Variants in CSMD1 observed in about 807,000 individuals in gnomAD.
CSMD1 encodes the protein CUB and sushi domain-containing protein 1.
Under a neutral mutation model 417.5 loss-of-function variants are expected in CSMD1, and 213 were observed. That is an observed-to-expected ratio of 0.51 (90% confidence interval 0.46 to 0.57). CSMD1 has a LOEUF of 0.57. CSMD1 is among the 20% of genes least tolerant of loss of function. The pLI is 0.00. For missense variants in CSMD1, 6,923 were observed against 4,529.7 expected (o/e 1.53, Z -15.17); for synonymous variants, 2,862 against 1,736.8 (o/e 1.65, Z -16.11).
chr8:4,421,893 A>ATT (rs1797268956), intron 2 of CSMD1, among the ~76,000 whole-genome samples: 1 of 152,112 alleles, frequency 6.6e-6, no homozygotes, highest in Admixed American at 6.6e-5. Flanking sequence ...TTGGGAAAAT[A>ATT]AAATTGAAAA....
At chr8:3,095,469 A>C (rs1815233889) in intron 47 of CSMD1, among the ~76,000 whole-genome samples, 1 of 152,164 alleles carries the variant, frequency 6.6e-6, no homozygotes, top group Non-Finnish European at 1.5e-5. Flanking sequence ...CCATGCTCTG[A>C]AAATGAAAAT....
chr8:3,271,197 C>G (rs191117826), intron 26 of CSMD1, among the ~76,000 whole-genome samples: 11 of 150,736 alleles, frequency 7.3e-5, no homozygotes, highest in African/African-American at 2.4e-4. Flanking sequence ...TTTGTTCTTG[C>G]GATAGTTTAC....
Position 3,670,615 on chromosome 8 carries a change from G to T in CSMD1, c.1009+37799C>A, listed in dbSNP as rs555550266. On this transcript the variant is annotated intron_variant, in intron 7 of 69. Transcript: ENST00000635120. Reference sequence around the variant, plus strand: ...GATATATATATTGCACATATATATGGGGATATATATATGGGATATTTATAT... The same window carrying T: ...GATATATATATTGCACATATATATGTGGATATATATATGGGATATTTATAT... Among the ~76,000 whole-genome samples, 82 of 146,580 alleles carry T rather than the reference G, an allele frequency of 5.6e-4. 5 individuals carry two copies. The South Asian group carries it at 0.017, about 31-fold the overall frequency.
chr8:3,906,370 G>A (rs1808111002), intron 5 of CSMD1, among the ~76,000 whole-genome samples: 1 of 152,084 alleles, frequency 6.6e-6, no homozygotes, highest in African/African-American at 2.4e-5. Context: ...CCTATAGTAT[G>A]GTCTAGAAAT....
At chr8:4,809,847 T>A (rs939344958) in intron 1 of CSMD1, among the ~76,000 whole-genome samples, 1 of 152,206 alleles carries the variant, frequency 6.6e-6, no homozygotes, top group Non-Finnish European at 1.5e-5. Context: ...TGTCTACAAC[T>A]CAACAGCCAC....
intron 5 of CSMD1, among the ~76,000 whole-genome samples, chr8:3,931,467 T>C (rs1260886487): frequency 6.7e-6 from 1 of 150,316 alleles, no homozygotes; most frequent in East Asian, 2.0e-4. Context: ...TGACAATTCA[T>C]CAGATTGGAG....
chr8:4,313,676 G>A (rs566484641), intron 3 of CSMD1, among the ~76,000 whole-genome samples: 2 of 152,080 alleles, frequency 1.3e-5, no homozygotes, highest in South Asian at 2.1e-4. Context: ...GAAACCAGGA[G>A]CTCTGAAAGT....
At chr8:3,361,545 G>A (rs139490116) in intron 20 of CSMD1, among the ~76,000 whole-genome samples, 31 of 151,148 alleles carry the variant, frequency 2.1e-4, no homozygotes, top group Middle Eastern at 3.4e-3. Context: ...CCAGCTACTC[G>A]GGAGGCCGAG....
chr8:4,821,869 G>C (rs533565460), intron 1 of CSMD1, among the ~76,000 whole-genome samples: 1 of 152,122 alleles, frequency 6.6e-6, no homozygotes, highest in Non-Finnish European at 1.5e-5. Flanking sequence ...GCCTCCACAC[G>C]CTTCTGCTCT....
rs961272509 is a variant in CSMD1 at position 3,743,715 on chromosome 8, G to C, written c.931+10215C>G. Among the ~76,000 whole-genome samples the C allele has an allele frequency of 1.2e-4, 18 of 152,096 alleles. 1 individual carries two copies. Among genetic ancestry groups the C allele is most frequent in the Non-Finnish European group, 2.4e-4 (16 of 68,034 alleles). On this transcript the variant is annotated intron_variant, in intron 6 of 69. Coordinates refer to ENST00000635120, the MANE Select transcript of CSMD1 (RefSeq NM_033225.6). ...TTTCCCATAAAGACATTCCTAGTGA[G>C]CTGCAAGATCGTTACTCCCAGGTGT...
chr8:4,802,365 G>C (rs973192103), intron 1 of CSMD1, among the ~76,000 whole-genome samples: 1 of 151,944 alleles, frequency 6.6e-6, no homozygotes, highest in Admixed American at 6.6e-5. Context: ...GTGTGTGTGT[G>C]TGTGTGTGTG....
At chr8:3,030,064 C>A (rs1810239090) in intron 50 of CSMD1, among the ~76,000 whole-genome samples, 1 of 151,870 alleles carries the variant, frequency 6.6e-6, no homozygotes, top group Non-Finnish European at 1.5e-5. Flanking sequence ...AAATGTTTAA[C>A]AAGTCTTAAA....
intron 11 of CSMD1, among the ~76,000 whole-genome samples, chr8:3,476,067 A>G (rs1337474699): frequency 2.0e-5 from 3 of 152,172 alleles, no homozygotes; most frequent in Non-Finnish European, 4.4e-5. Context: ...TAAGGGCTGG[A>G]GGTGATGGCT....
chr8:3,233,053 ATACT>A (rs2116922491), intron 26 of CSMD1, among the ~76,000 whole-genome samples: 1 of 151,960 alleles, frequency 6.6e-6, no homozygotes, highest in South Asian at 2.1e-4. Flanking sequence ...ATTTTCATAC[ATACT>A]TATCAATTTG....
chr8:4,667,799 G>T (rs2130937835), intron 1 of CSMD1, among the ~76,000 whole-genome samples: 1 of 152,192 alleles, frequency 6.6e-6, no homozygotes, highest in Non-Finnish European at 1.5e-5. Flanking sequence ...CGTCCTTTGT[G>T]AATAAAGATA....
intron 47 of CSMD1, among the ~76,000 whole-genome samples, chr8:3,094,010 A>G (rs1358657284): frequency 6.6e-6 from 1 of 152,176 alleles, no homozygotes; most frequent in Admixed American, 6.5e-5. Context: ...GCCACTGGTA[A>G]ATTAATTAAC....
chr8:3,693,124 C>A (rs760680249), intron 7 of CSMD1, among the ~76,000 whole-genome samples: 1 of 151,756 alleles, frequency 6.6e-6, no homozygotes, highest in South Asian at 2.1e-4. Flanking sequence ...AAATAGATAC[C>A]AATAGATAGT....
At chr8:3,732,610 C>A (rs1399453220) in intron 6 of CSMD1, among the ~76,000 whole-genome samples, 1 of 152,180 alleles carries the variant, frequency 6.6e-6, no homozygotes, top group Non-Finnish European at 1.5e-5. Context: ...ATTTCAGCAA[C>A]CCTTGCCTTT....
intron 7 of CSMD1, among the ~76,000 whole-genome samples, chr8:3,631,315 T>C (rs1343643884): frequency 6.6e-6 from 1 of 152,176 alleles, no homozygotes; most frequent in Non-Finnish European, 1.5e-5. Context: ...TTCTGTCTGG[T>C]TTATTGTTCT....
Sources: allele counts gnomAD v4.1 joint callset (sites outside exome capture counted in the v4.1 genomes callset), GRCh38; gene constraint gnomAD v4.1.1; transcripts MANE v1.5; gene names NCBI Gene and HGNC (gene_info 2026-07-23, HGNC 2026-07-21).